Variants in LINGO2 observed in about 807,000 individuals in gnomAD.
LINGO2 encodes the protein leucine-rich repeat and immunoglobulin-like domain-containing nogo receptor-interacting protein 2.
Under a neutral mutation model 30.6 loss-of-function variants are expected in LINGO2, and 14 were observed. That is an observed-to-expected ratio of 0.46 (90% CI 0.30 to 0.72). The LOEUF is 0.72. Ranked by LOEUF, LINGO2 falls within the 30% of genes least tolerant of loss-of-function variation. LINGO2 has a pLI of 0.07. For synonymous variants in LINGO2, 317 were observed against 288.5 expected, an observed-to-expected ratio of 1.10 and a Z score of -1.00; for missense variants, 729 against 751.7, an observed-to-expected ratio of 0.97 and a Z score of 0.35.
chr9:28,855,930 T>C, the LINGO2 span, among the ~76,000 whole-genome samples: 1 of 152,058 alleles, frequency 6.6e-6, no homozygotes, highest in Non-Finnish European at 1.5e-5. Flanking sequence ...GACTGGACAG[T>C]AGAGATGTAG....
At chr9:29,209,697 C>T in the LINGO2 span, among the ~76,000 whole-genome samples, 22 of 152,106 alleles carry the variant, frequency 1.4e-4, no homozygotes, top group Middle Eastern at 6.8e-3. Context: ...GTATTTTATG[C>T]TTGAATAGTT....
At chr9:29,034,099 T>C in the LINGO2 span, among the ~76,000 whole-genome samples, 1 of 151,592 alleles carries the variant, frequency 6.6e-6, no homozygotes, top group Non-Finnish European at 1.5e-5. Flanking sequence ...AAAAGAAACA[T>C]AATAATCATT....
At chr9:28,054,015 A>G (rs934426576) in intron 4 of LINGO2, among the ~76,000 whole-genome samples, 2 of 152,040 alleles carry the variant, frequency 1.3e-5, no homozygotes, top group Non-Finnish European at 1.5e-5. Flanking sequence ...GCCTGTATAT[A>G]TGCAATTCTG....
At chr9:28,170,132 A>G (rs1354175633) in intron 4 of LINGO2, among the ~76,000 whole-genome samples, 3 of 152,222 alleles carry the variant, frequency 2.0e-5, no homozygotes, top group East Asian at 3.8e-4. Flanking sequence ...CATACCTGGT[A>G]TTGAATATGT....
At chr9:27,997,200 T>C (rs1212183441) in intron 5 of LINGO2, among the ~76,000 whole-genome samples, 5 of 152,180 alleles carry the variant, frequency 3.3e-5, no homozygotes, top group South Asian at 2.1e-4. Context: ...GTCAAATGCA[T>C]AGGCCACTCA....
chr9:28,910,756 G>A, the LINGO2 span, among the ~76,000 whole-genome samples: 2 of 151,636 alleles, frequency 1.3e-5, no homozygotes, highest in Non-Finnish European at 2.9e-5. Context: ...ACCAATTAAA[G>A]TTTTTTTTCT....
At chr9:27,941,191 C>G in the LINGO2 span, 1 of 152,364 alleles carries the variant, frequency 6.6e-6, no homozygotes, top group Admixed American at 6.5e-5. Context: ...AATCCCTGCA[C>G]TTTGGGAAGC....
intron 4 of LINGO2, among the ~76,000 whole-genome samples, chr9:28,039,979 A>C (rs1824123616): frequency 6.6e-6 from 1 of 152,172 alleles, no homozygotes; most frequent in Non-Finnish European, 1.5e-5. Context: ...CTTTGAAAAC[A>C]AACTATTAAA....
intron 4 of LINGO2, among the ~76,000 whole-genome samples, chr9:28,084,361 G>A (rs1468004367): frequency 6.6e-6 from 1 of 151,826 alleles, no homozygotes; most frequent in Non-Finnish European, 1.5e-5. Context: ...TGAGACAGGG[G>A]GGCAAAAGAT....
chr9:28,296,631 A>G (rs1229865081), intron 3 of LINGO2, among the ~76,000 whole-genome samples: 1 of 152,232 alleles, frequency 6.6e-6, no homozygotes, highest in African/African-American at 2.4e-5. Context: ...TGCTAAGATG[A>G]CAAAGGGTTC....
At chr9:28,633,387 C>T (rs1255107370) in intron 1 of LINGO2, among the ~76,000 whole-genome samples, 1 of 151,954 alleles carries the variant, frequency 6.6e-6, no homozygotes, top group Admixed American at 6.6e-5. Flanking sequence ...AAGTGTAAAG[C>T]CCTAGCTCCA....
At chr9:28,253,152 A>C (rs746753873) in intron 4 of LINGO2, among the ~76,000 whole-genome samples, 3 of 152,162 alleles carry the variant, frequency 2.0e-5, no homozygotes, top group Non-Finnish European at 4.4e-5. Flanking sequence ...GATGTTTTCA[A>C]GGCATTATAG....
intron 4 of LINGO2, among the ~76,000 whole-genome samples, chr9:28,281,616 A>G (rs550661358): frequency 6.6e-6 from 1 of 152,222 alleles, no homozygotes; most frequent in East Asian, 1.9e-4. Flanking sequence ...GGGAAAAATT[A>G]ACAGTGCCTG....
At chr9:27,950,672 G>T in exon 6 of LINGO2, 1 of 1,504,560 alleles carries the variant, frequency 6.6e-7, no homozygotes, top group South Asian at 1.4e-5. Context: ...TGTGAAGCAT[G>T]ACTCCACTTC....
chr9:28,632,630 A>AT, intron 1 of LINGO2, among the ~76,000 whole-genome samples: 1 of 142,722 alleles, frequency 7.0e-6, no homozygotes, highest in African/African-American at 2.6e-5. Context: ...ATATTTATAT[A>AT]TTTTTATATA....
At chr9:28,558,008 AG>A (rs1822832224) in intron 1 of LINGO2, among the ~76,000 whole-genome samples, 1 of 56,612 alleles carries the variant, frequency 1.8e-5, no homozygotes, top group Non-Finnish European at 3.2e-5. Context: ...GGGTGGGGGG[AG>A]GGGGGAGGGA....
At chr9:28,343,056 A>G (rs553148809) in intron 3 of LINGO2, among the ~76,000 whole-genome samples, 4 of 152,148 alleles carry the variant, frequency 2.6e-5, no homozygotes, top group African/African-American at 9.7e-5. Context: ...CAGGGTTTCC[A>G]TATGGTCATT....
At chr9:27,998,905 A>G (rs747045818) in intron 5 of LINGO2, among the ~76,000 whole-genome samples, 8 of 152,174 alleles carry the variant, frequency 5.3e-5, no homozygotes, top group Non-Finnish European at 7.4e-5. Context: ...TTGTTGTTAC[A>G]CCATACAAAT....
chr9:28,878,193 G>C, the LINGO2 span, among the ~76,000 whole-genome samples: 1 of 152,094 alleles, frequency 6.6e-6, no homozygotes, highest in Non-Finnish European at 1.5e-5. Context: ...TCTACCATCA[G>C]AGAATACTAC....
Sources: allele counts gnomAD v4.1 joint callset (sites outside exome capture counted in the v4.1 genomes callset), GRCh38; gene constraint gnomAD v4.1.1; transcripts MANE v1.5; gene names NCBI Gene and HGNC (gene_info 2026-07-23, HGNC 2026-07-21).